The following MAP2K1 variants were observed in gnomAD, a reference collection of about 807,000 sequenced individuals.
MAP2K1 encodes the protein mitogen-activated protein kinase kinase 1.
In MAP2K1, 16 loss-of-function variants were observed where a neutral mutation model predicts 46.3. The ratio of observed to expected loss-of-function variants is 0.35; its 90% confidence interval spans 0.23 to 0.52. The LOEUF (loss-of-function observed/expected upper bound fraction) is 0.52. Among genes scored for constraint, MAP2K1 ranks in the 20% least tolerant of loss-of-function variants. MAP2K1 has a pLI of 0.94. For missense variants in MAP2K1, 263 were observed against 497.1 expected, an observed-to-expected ratio of 0.53 and a Z score of 4.48; for synonymous variants, 183 against 185.6, an observed-to-expected ratio of 0.99 and a Z score of 0.11.
chr15:66,423,755 G>GC (rs78863616), intron 1 of MAP2K1, among the ~76,000 whole-genome samples: 128,290 of 151,500 alleles, frequency 0.85, 55,574 homozygotes, highest in East Asian at 1. Flanking sequence ...TTACAGGCAT[G>GC]CACCACCATG....
chr15:66,486,825 C>T (rs943879771), intron 7 of MAP2K1, among the ~76,000 whole-genome samples: 6 of 152,128 alleles, frequency 3.9e-5, no homozygotes, highest in African/African-American at 1.2e-4. Flanking sequence ...CTCTGAGGCT[C>T]GCCAGTGACT....
intron 5 of MAP2K1, among the ~76,000 whole-genome samples, chr15:66,464,340 A>G (rs556615107): frequency 6.6e-6 from 1 of 152,310 alleles, no homozygotes; most frequent in South Asian, 2.1e-4. Flanking sequence ...GAAAAGTGAT[A>G]TAGGCCACAT....
chr15:66,478,358 T>C (rs1232158786), intron 5 of MAP2K1, among the ~76,000 whole-genome samples: 4 of 140,744 alleles, frequency 2.8e-5, no homozygotes, highest in South Asian at 2.1e-4. Context: ...TAAATATATA[T>C]ACACACATAT....
chr15:66,405,519 C>T (rs1419459935), intron 1 of MAP2K1, among the ~76,000 whole-genome samples: 1 of 152,118 alleles, frequency 6.6e-6, no homozygotes, highest in Non-Finnish European at 1.5e-5. Flanking sequence ...TTTTATTCCA[C>T]AAAGGAGAAA....
At chr15:66,447,826 T>A (rs1891913089) in intron 5 of MAP2K1, among the ~76,000 whole-genome samples, 1 of 152,058 alleles carries the variant, frequency 6.6e-6, no homozygotes. Context: ...TCCAGAACTT[T>A]TTTCATCTTA....
In MAP2K1 at chr15:66,449,026, A is replaced by C. The variant is rs201205102; in HGVS notation, c.568+4319A>C. Among the ~76,000 whole-genome samples, 105 of 149,582 alleles carry C rather than the reference A, an allele frequency of 7.0e-4. 1 individual carries two copies. The highest frequency in any genetic ancestry group is 1.8e-3 in the African/African-American group (74 of 40,926). Reference sequence around the variant, plus strand: ...CTCAAAAAAAAAAAAAAAAAAAAAAAAACAACAACAACCAAAAACATTCAG... The same window carrying C: ...CTCAAAAAAAAAAAAAAAAAAAAAACAACAACAACAACCAAAAACATTCAG... On this transcript the variant is annotated intron_variant, in intron 5 of 10. Transcript: ENST00000307102.
At chr15:66,473,966 G>A (rs1455485400) in intron 5 of MAP2K1, among the ~76,000 whole-genome samples, 1 of 152,192 alleles carries the variant, frequency 6.6e-6, no homozygotes, top group African/African-American at 2.4e-5. Flanking sequence ...ACAGGCCTGA[G>A]CCACCATGCC....
intron 1 of MAP2K1, among the ~76,000 whole-genome samples, chr15:66,388,364 A>G (rs1163520596): frequency 6.6e-6 from 1 of 152,110 alleles, no homozygotes. Flanking sequence ...TTAGGTTATT[A>G]TTATTTTTTT....
intron 1 of MAP2K1, among the ~76,000 whole-genome samples, chr15:66,409,283 C>T (rs1396951564): frequency 6.6e-6 from 1 of 152,136 alleles, no homozygotes; most frequent in Non-Finnish European, 1.5e-5. Context: ...ACAGTCCCAT[C>T]CCAGCCCAAA....
chr15:66,465,553 G>A (rs1477400219), intron 5 of MAP2K1, among the ~76,000 whole-genome samples: 1 of 152,152 alleles, frequency 6.6e-6, no homozygotes, highest in Non-Finnish European at 1.5e-5. Context: ...CTGTCTGCTT[G>A]TAGATTTCAT....
chr15:66,484,000 G>A (rs1054116206), intron 6 of MAP2K1, among the ~76,000 whole-genome samples: 8 of 151,734 alleles, frequency 5.3e-5, no homozygotes, highest in Admixed American at 2.6e-4. Context: ...CACCCACCTC[G>A]GCCTCCCAAA....
At chr15:66,452,287 T>TAAAAAAAAAAAAA (rs146502834) in intron 5 of MAP2K1, among the ~76,000 whole-genome samples, 1 of 103,602 alleles carries the variant, frequency 9.7e-6, no homozygotes, top group Non-Finnish European at 1.8e-5. Context: ...TAGAGTATAA[T>TAAAAAAAAAAAAA]AAAAAAAAAA....
chr15:66,441,120 A>G (rs997871205), intron 3 of MAP2K1, among the ~76,000 whole-genome samples: 1 of 152,044 alleles, frequency 6.6e-6, no homozygotes, highest in African/African-American at 2.4e-5. Flanking sequence ...GTGCATCACC[A>G]TGTCCAGCTA....
intron 5 of MAP2K1, among the ~76,000 whole-genome samples, chr15:66,458,181 A>T (rs1430487676): frequency 6.6e-6 from 1 of 152,086 alleles, no homozygotes; most frequent in Non-Finnish European, 1.5e-5. Context: ...AAAGGGTTGG[A>T]GGTGAAGAGG....
intron 1 of MAP2K1, among the ~76,000 whole-genome samples, chr15:66,392,325 C>T (rs113781243): frequency 9.2e-5 from 11 of 119,096 alleles, no homozygotes; most frequent in African/African-American, 2.9e-4. Context: ...TATAATGGTG[C>T]GTGCCACCAC....
chr15:66,393,287 C>T (rs1443275284), intron 1 of MAP2K1, among the ~76,000 whole-genome samples: 1 of 152,004 alleles, frequency 6.6e-6, no homozygotes, highest in Non-Finnish European at 1.5e-5. Flanking sequence ...AAGCAATTCT[C>T]CTGCCTTAGC....
intron 1 of MAP2K1, among the ~76,000 whole-genome samples, chr15:66,426,695 G>A (rs11853348): frequency 0.14 from 20,622 of 152,180 alleles, 1,437 homozygotes; most frequent in Non-Finnish European, 0.15. Context: ...CTGTGCCTGC[G>A]AAATAGGTGT....
intron 6 of MAP2K1, among the ~76,000 whole-genome samples, chr15:66,484,104 C>T (rs1892979711): frequency 6.6e-6 from 1 of 151,264 alleles, no homozygotes; most frequent in Non-Finnish European, 1.5e-5. Context: ...TTTCTTATAT[C>T]ATTGTTACTG....
intron 1 of MAP2K1, among the ~76,000 whole-genome samples, chr15:66,418,878 C>A (rs2093430690): frequency 6.6e-6 from 1 of 151,014 alleles, no homozygotes; most frequent in African/African-American, 2.4e-5. Flanking sequence ...GATCTCCTGA[C>A]CTTGTGATCC....
Sources: allele counts gnomAD v4.1 joint callset (sites outside exome capture counted in the v4.1 genomes callset), GRCh38; gene constraint gnomAD v4.1.1; transcripts MANE v1.5; gene names NCBI Gene and HGNC (gene_info 2026-07-23, HGNC 2026-07-21).